Variants in CCSER1 observed in about 807,000 individuals in gnomAD.
The protein encoded by CCSER1 is serine-rich coiled-coil domain-containing protein 1.
In CCSER1, 41 loss-of-function variants were observed where a neutral mutation model predicts 82.0. That is an observed-to-expected ratio of 0.50 (90% CI 0.39 to 0.65). CCSER1 has a LOEUF of 0.65. Ranked by LOEUF, CCSER1 falls within the 30% of genes least tolerant of loss-of-function variation. CCSER1 has a pLI of 0.00. For missense variants in CCSER1, 1,119 were observed against 1,064.2 expected (o/e 1.05, Z -0.72); for synonymous variants, 414 against 383.9 (o/e 1.08, Z -0.92).
At chr4:90,408,402 C>T (rs1260031402) in intron 4 of CCSER1, among the ~76,000 whole-genome samples, 1 of 152,212 alleles carries the variant, frequency 6.6e-6, no homozygotes, top group Non-Finnish European at 1.5e-5. Context: ...AGGACTGACA[C>T]CTCACACGGC....
At chr4:90,843,419 A>G (rs1390625943) in intron 8 of CCSER1, among the ~76,000 whole-genome samples, 2 of 152,200 alleles carry the variant, frequency 1.3e-5, no homozygotes, top group East Asian at 1.9e-4. Context: ...GCACTTTTCA[A>G]ATGCAAAATA....
chr4:91,072,529 T>C (rs923529746), intron 9 of CCSER1, among the ~76,000 whole-genome samples: 1 of 152,148 alleles, frequency 6.6e-6, no homozygotes, highest in Non-Finnish European at 1.5e-5. Context: ...GAATTAGGCT[T>C]ACTCATTTAA....
At chr4:90,372,304 T>G (rs74826350) in intron 3 of CCSER1, among the ~76,000 whole-genome samples, 1,548 of 152,196 alleles carry the variant, frequency 0.01, 23 homozygotes, top group African/African-American at 0.036. Flanking sequence ...AATGGACCAA[T>G]AAGAGAAAGT....
At position 90,932,990 on chromosome 4, in the gene CCSER1, A is replaced by AAGAAAGAAAGAAAG. The variant is rs1730265878; in HGVS notation, c.2172+9545_2172+9558dup. Among the ~76,000 whole-genome samples, 16 of 48,482 alleles carry AAGAAAGAAAGAAAG rather than the reference A, an allele frequency of 3.3e-4. 5 individuals carry two copies. Among genetic ancestry groups the AAGAAAGAAAGAAAG allele is most frequent in the Admixed American group, 6.9e-4 (3 of 4,366 alleles). 31.8% of individuals were successfully genotyped at this position (48,482 alleles called of 152,430 possible). ...AGAAAGAAAGAAAGAAAGAGAAAGA[A>AAGAAAGAAAGAAAG]AGAAAGAAAGAAAGAAAGAAAGAAA... On this transcript the variant is annotated intron_variant, in intron 9 of 10. Coordinates refer to ENST00000509176, the MANE Select transcript of CCSER1 (RefSeq NM_001145065.2).
intron 10 of CCSER1, among the ~76,000 whole-genome samples, chr4:91,342,950 T>C (rs1169756643): frequency 6.6e-6 from 1 of 152,072 alleles, no homozygotes; most frequent in African/African-American, 2.4e-5. Flanking sequence ...AGCAAAAAAT[T>C]TAAAGTTTAT....
At chr4:91,158,157 G>A (rs1054171361) in intron 10 of CCSER1, among the ~76,000 whole-genome samples, 2 of 151,914 alleles carry the variant, frequency 1.3e-5, no homozygotes, top group African/African-American at 4.8e-5. Flanking sequence ...ACTCAAAGCA[G>A]GAAAAGAACA....
At chr4:90,628,324 T>C (rs1723710177) in intron 6 of CCSER1, 92 bp downstream of exon 6, 1 of 939,268 alleles carries the variant, frequency 1.1e-6, no homozygotes, top group Non-Finnish European at 1.7e-6. Flanking sequence ...AGTAATTAAC[T>C]ACATGACATT....
chr4:91,581,001 C>G (rs111700778), intron 10 of CCSER1, among the ~76,000 whole-genome samples: 91 of 151,774 alleles, frequency 6.0e-4, no homozygotes, highest in African/African-American at 2.1e-3. Context: ...TCTCGGAGCA[C>G]AAGTTCTTAA....
intron 9 of CCSER1, among the ~76,000 whole-genome samples, chr4:91,025,339 G>A (rs922584932): frequency 6.6e-6 from 1 of 152,036 alleles, no homozygotes; most frequent in African/African-American, 2.4e-5. Context: ...TTTCTAAAAA[G>A]CTTCAGGGAC....
intron 10 of CCSER1, among the ~76,000 whole-genome samples, chr4:91,095,972 T>C (rs932092929): frequency 2.0e-5 from 3 of 152,132 alleles, no homozygotes; most frequent in African/African-American, 7.2e-5. Context: ...TGTACATGAG[T>C]AGCTGGTGGT....
At chr4:90,338,093 CTTTTGA>C (rs1740740082) in intron 3 of CCSER1, among the ~76,000 whole-genome samples, 1 of 152,148 alleles carries the variant, frequency 6.6e-6, no homozygotes, top group Non-Finnish European at 1.5e-5. Context: ...CATAGAAACA[CTTTTGA>C]CTCTTTGTTC....
chr4:90,131,280 C>T (rs774678520), intron 1 of CCSER1, among the ~76,000 whole-genome samples: 18 of 152,218 alleles, frequency 1.2e-4, no homozygotes, highest in Non-Finnish European at 2.2e-4. Flanking sequence ...GGGTAACAGG[C>T]GTGAGCTACC....
intron 10 of CCSER1, among the ~76,000 whole-genome samples, chr4:91,194,024 C>T (rs191932217): frequency 4.1e-4 from 63 of 152,246 alleles, no homozygotes; most frequent in Middle Eastern, 6.8e-3. Flanking sequence ...GGCTGGAGTA[C>T]AGTGGCATGA....
At chr4:90,588,363 A>G (rs1194100451) in intron 5 of CCSER1, among the ~76,000 whole-genome samples, 3 of 152,230 alleles carry the variant, frequency 2.0e-5, no homozygotes, top group South Asian at 4.1e-4. Flanking sequence ...CATTTCAACA[A>G]TGTTCACTGC....
rs536916275 is a variant in CCSER1 at position 90,340,802 on chromosome 4, A to G, written c.1509+27755A>G. Among the ~76,000 whole-genome samples the G allele has an allele frequency of 3.3e-5, 5 of 152,216 alleles. No individual in the cohort carries two copies. The South Asian group carries it at 1.0e-3, about 32-fold the overall frequency. On this transcript the variant is annotated intron_variant, in intron 3 of 10. Transcript: ENST00000509176. The stretch of plus-strand genomic sequence containing the variant: ...AGTTTAATTTAAAATTTCATTGTTA[A>G]TTGTAGTTATTTATCCATTTCAGTT...
At chr4:91,313,038 C>G (rs1197056669) in intron 10 of CCSER1, among the ~76,000 whole-genome samples, 1 of 151,774 alleles carries the variant, frequency 6.6e-6, no homozygotes, top group African/African-American at 2.4e-5. Flanking sequence ...TTCCTTTTTA[C>G]TCTTTGAGCT....
intron 1 of CCSER1, among the ~76,000 whole-genome samples, chr4:90,232,502 C>T (rs1460478284): frequency 6.6e-6 from 1 of 151,810 alleles, no homozygotes; most frequent in African/African-American, 2.4e-5. Flanking sequence ...AAATGTTAGA[C>T]CTAAAACCAT....
chr4:90,863,558 A>G (rs559907818), intron 8 of CCSER1, among the ~76,000 whole-genome samples: 26 of 151,338 alleles, frequency 1.7e-4, no homozygotes, highest in Non-Finnish European at 3.8e-4. Flanking sequence ...TTTTCTTTTT[A>G]CAGCAAACAA....
intron 1 of CCSER1, among the ~76,000 whole-genome samples, chr4:90,282,383 A>G (rs895653241): frequency 6.6e-6 from 1 of 151,656 alleles, no homozygotes; most frequent in Admixed American, 6.6e-5. Context: ...TAAAAGTGAT[A>G]TAGAAAGTAT....
Sources: allele counts gnomAD v4.1 joint callset (sites outside exome capture counted in the v4.1 genomes callset), GRCh38; gene constraint gnomAD v4.1.1; transcripts MANE v1.5; gene names NCBI Gene and HGNC (gene_info 2026-07-23, HGNC 2026-07-21).